Variants in ZNF608 observed in about 807,000 individuals in gnomAD.
The protein encoded by ZNF608 is zinc finger protein 608.
In ZNF608, 12 loss-of-function variants were observed where a neutral mutation model predicts 109.0. The observed-to-expected ratio is 0.11, with a 90% CI of 0.07 to 0.18. The LOEUF is 0.18. ZNF608 is among the 10% of genes least tolerant of loss of function. The probability of loss-of-function intolerance (pLI) is 1.00; values close to 1 mark genes in which losing one functional copy is unlikely to be tolerated. For missense variants in ZNF608, 1,707 were observed against 1,879.3 expected (o/e 0.91, Z 1.70); for synonymous variants, 732 against 717.4 (o/e 1.02, Z -0.33).
At chr5:124,733,178 G>A (rs1047320156) in intron 2 of ZNF608, among the ~76,000 whole-genome samples, 23 of 145,954 alleles carry the variant, frequency 1.6e-4, no homozygotes, top group Non-Finnish European at 3.0e-5. Flanking sequence ...CAAATGGTTT[G>A]CTCTCCAATT....
chr5:124,716,869 G>A (rs1034077390), intron 2 of ZNF608, among the ~76,000 whole-genome samples: 2 of 152,078 alleles, frequency 1.3e-5, no homozygotes, highest in Non-Finnish European at 2.9e-5. Context: ...AATCACCTGA[G>A]GTCGGGAGTT....
intron 3 of ZNF608, among the ~76,000 whole-genome samples, chr5:124,658,016 G>A (rs1315808085): frequency 6.6e-6 from 1 of 152,174 alleles, no homozygotes; most frequent in East Asian, 1.9e-4. Context: ...TATATGTACT[G>A]CACCATTCAT....
intron 2 of ZNF608, among the ~76,000 whole-genome samples, chr5:124,709,004 T>C (rs1384157804): frequency 6.6e-6 from 1 of 151,824 alleles, no homozygotes; most frequent in Non-Finnish European, 1.5e-5. Flanking sequence ...AAACCCAGTC[T>C]CTACTAAAAA....
Position 124,643,550 on chromosome 5 carries a change from G to C in ZNF608, c.4257C>G (p.Leu1419=), listed in dbSNP as rs547684854. The C allele has an allele frequency of 6.2e-7, 1 of 1,614,178 alleles. No homozygotes were observed. Among genetic ancestry groups the C allele is most frequent in the South Asian group, 1.1e-5 (1 of 91,082 alleles). Residue 1419 remains leucine, a synonymous_variant, in exon 7 of 10, where the codon CTC becomes CTG. Transcript: ENST00000513986. Reference sequence around the variant, plus strand: ...TGCGGTATTGGTTAGCATGCTGCTGGAGCAAATCCAGTGCTTTAGATTCAG... The same window carrying C: ...TGCGGTATTGGTTAGCATGCTGCTGCAGCAAATCCAGTGCTTTAGATTCAG... ...TTTESKALDL[L]QQHANQYRSK... is the part of the protein sequence containing the mutation.
chr5:124,674,615 G>A (rs1384648149), intron 3 of ZNF608, among the ~76,000 whole-genome samples: 1 of 152,182 alleles, frequency 6.6e-6, no homozygotes, highest in Non-Finnish European at 1.5e-5. Context: ...GATTTTGTGT[G>A]TTTGTTTTGC....
chr5:124,713,506 T>A (rs994919017), intron 2 of ZNF608, among the ~76,000 whole-genome samples: 3 of 152,254 alleles, frequency 2.0e-5, no homozygotes, highest in Non-Finnish European at 4.4e-5. Context: ...AAGAATTTCA[T>A]ACTTCTCATC....
chr5:124,674,471 T>C (rs1383514152), intron 3 of ZNF608, among the ~76,000 whole-genome samples: 1 of 152,214 alleles, frequency 6.6e-6, no homozygotes, highest in Non-Finnish European at 1.5e-5. Context: ...TTCTCACTGC[T>C]CATCAGAATA....
At chr5:124,721,449 G>C (rs971293016) in intron 2 of ZNF608, among the ~76,000 whole-genome samples, 4 of 152,086 alleles carry the variant, frequency 2.6e-5, no homozygotes, top group African/African-American at 9.7e-5. Flanking sequence ...GTTCCAGGCT[G>C]GCAGGGGAAA....
chr5:124,746,303 AGAAG>A lies in ZNF608; in HGVS notation c.-296_-293del. On this transcript the variant is annotated 5_prime_UTR_variant, in exon 1 of 10. An upstream open reading frame in the 5' UTR gains an earlier in-frame stop. Coordinates refer to ENST00000513986, the MANE Select transcript of ZNF608 (RefSeq NM_020747.3). The stretch of plus-strand genomic sequence containing the variant: ...ATTTTACTTAAACACCAAATGATCA[AGAAG>A]GAAGAAACCAAATAACACATCTCAG... 1 of 985,422 alleles carries A rather than the reference AGAAG, an allele frequency of 1.0e-6. No homozygotes were observed. Among genetic ancestry groups the A allele is most frequent in the Non-Finnish European group, 1.2e-6 (1 of 829,932 alleles). The allele number at this position is 985,422 out of a possible 1,614,324, so 61.0% of individuals were successfully genotyped here.
chr5:124,643,704 C>T (rs1750357685), intron 6 of ZNF608, 21 bp from the exon 7 acceptor site: 1 of 1,612,628 alleles, frequency 6.2e-7, no homozygotes. Context: ...ACAACAAATG[C>T]CACATCAAGT....
chr5:124,742,634 T>C (rs886953057), intron 2 of ZNF608, among the ~76,000 whole-genome samples: 34 of 152,216 alleles, frequency 2.2e-4, no homozygotes, highest in Non-Finnish European at 2.8e-4. Flanking sequence ...TTAATGTACC[T>C]GACCAAGAGG....
chr5:124,674,322 G>T (rs1751848915), intron 3 of ZNF608, among the ~76,000 whole-genome samples: 1 of 152,146 alleles, frequency 6.6e-6, no homozygotes, highest in Non-Finnish European at 1.5e-5. Context: ...GGTCTTTTAA[G>T]CTTTGATGCT....
At chr5:124,682,246 T>G (rs1752228964) in intron 3 of ZNF608, among the ~76,000 whole-genome samples, 1 of 152,178 alleles carries the variant, frequency 6.6e-6, no homozygotes, top group South Asian at 2.1e-4. Context: ...CTAATTTTTC[T>G]ACTTTTAGTA....
At chr5:124,742,855 C>A (rs1749470275) in intron 2 of ZNF608, among the ~76,000 whole-genome samples, 2 of 152,070 alleles carry the variant, frequency 1.3e-5, no homozygotes, top group Non-Finnish European at 2.9e-5. Context: ...ACTTACAATC[C>A]CAATCGCCAA....
chr5:124,731,429 T>C (rs1279499818), intron 2 of ZNF608, among the ~76,000 whole-genome samples: 1 of 150,386 alleles, frequency 6.6e-6, no homozygotes, highest in Non-Finnish European at 1.5e-5. Flanking sequence ...GTCAGGCTGG[T>C]CTCGAACTCC....
At chr5:124,650,580 A>G (rs1160958359) in intron 3 of ZNF608, among the ~76,000 whole-genome samples, 1 of 152,268 alleles carries the variant, frequency 6.6e-6, no homozygotes, top group African/African-American at 2.4e-5. Context: ...AAGTGTGCTT[A>G]GTATACCAAA....
Position 124,648,871 on chromosome 5 carries a change from G to T in ZNF608, c.1513C>A (p.Pro505Thr), listed in dbSNP as rs1243679525. The T allele has an allele frequency of 1.9e-6, 3 of 1,613,902 alleles. No homozygotes were observed. Among genetic ancestry groups the T allele is most frequent in the Non-Finnish European group, 2.5e-6 (3 of 1,179,936 alleles). The change falls in exon 5 of 10, where the codon CCA becomes ACA. Residue 505 changes from proline (P) to threonine (T), a missense_variant. By Grantham distance (38) the Pro-to-Thr change is conservative (BLOSUM62 -1). Coordinates refer to ENST00000513986, the MANE Select transcript of ZNF608 (RefSeq NM_020747.3). ...CTGGAGTTCAGGTCCAGCTCCATTG[G>T]AGGCTTGTTTTTCCTTTTGTTGGTG... ...SSTNKRKNKP[P>T]MELDLNSSSE...
Position 124,648,181 on chromosome 5 carries a change from C to A in ZNF608, c.2203G>T (p.Ala735Ser), listed in dbSNP as rs370984728. ...TDKNLSKLKS[A>S]RPIAPAPAPT... Reference sequence around the variant, plus strand: ...GCTGGGGCAGGGGCAATGGGCCGGGCACTTTTCAGTTTAGAGAGGTTTTTG... The same window carrying A: ...GCTGGGGCAGGGGCAATGGGCCGGGAACTTTTCAGTTTAGAGAGGTTTTTG... Residue 735 changes from alanine (A) to serine (S), a missense_variant, in exon 5 of 10, where the codon GCC becomes TCC. Coordinates refer to ENST00000513986, the MANE Select transcript of ZNF608 (RefSeq NM_020747.3). 3.7e-6 allele frequency: 6 copies of A among 1,613,492 alleles called. No individual in the cohort carries two copies. The highest frequency in any genetic ancestry group is 5.1e-6 in the Non-Finnish European group (6 of 1,179,840).
chr5:124,722,617 A>G (rs1450359254), intron 2 of ZNF608, among the ~76,000 whole-genome samples: 2 of 143,218 alleles, frequency 1.4e-5, no homozygotes, highest in Non-Finnish European at 3.1e-5. Flanking sequence ...ACACACACAC[A>G]CACGCAAGAA....
Sources: allele counts gnomAD v4.1 joint callset (sites outside exome capture counted in the v4.1 genomes callset), GRCh38; gene constraint gnomAD v4.1.1; transcripts MANE v1.5; gene names NCBI Gene and HGNC (gene_info 2026-07-23, HGNC 2026-07-21).